The following KIAA1210 variants were observed in gnomAD, a reference collection of about 807,000 sequenced individuals.
The protein encoded by KIAA1210 is acrosomal protein KIAA1210.
KIAA1210 carries 48 observed loss-of-function variants against 78.9 expected under a neutral mutation model. The observed-to-expected ratio is 0.61, with a 90% CI of 0.48 to 0.77. KIAA1210 has a LOEUF of 0.77. Among genes scored for constraint, KIAA1210 ranks in the 30% least tolerant of loss-of-function variants. The probability of loss-of-function intolerance (pLI) is 0.00; values close to 1 mark genes in which losing one functional copy is unlikely to be tolerated. For missense variants in KIAA1210, 1,108 were observed against 1,100.0 expected (o/e 1.01, Z -0.10); for synonymous variants, 406 against 404.5 (o/e 1.00, Z -0.04).
chrX:119,088,190 C>T lies in KIAA1210; in HGVS notation c.2512G>A (p.Val838Met), dbSNP rs773606872. The T allele has an allele frequency of 1.7e-6, 2 of 1,211,183 alleles. No homozygotes were observed. Among genetic ancestry groups the T allele is most frequent in the East Asian group, 3.0e-5 (1 of 33,848 alleles). The change falls in exon 9 of 12, where the codon GTG (valine) becomes ATG (methionine). Residue 838 changes from valine (V) to methionine (M), a missense_variant. Val to Met is a conservative substitution (Grantham distance 21). Transcript: ENST00000691062. ...GAATATCTGGGGAGTAGTGGCTCCACAGAAATGACTCTCTCAACAGCAATG... is the reference window on the plus strand; with the variant it reads ...GAATATCTGGGGAGTAGTGGCTCCATAGAAATGACTCTCTCAACAGCAATG... The part of the protein sequence containing the change: ...EDIAVERVIS[V>M]EPLLPRYSPQ...
At chrX:119,096,011 C>G (rs953550359) in intron 7 of KIAA1210, among the ~76,000 whole-genome samples, 1 of 111,828 alleles carries the variant, frequency 8.9e-6, no homozygotes, top group African/African-American at 3.3e-5. Flanking sequence ...AGTCATGTGG[C>G]ATCTATTTGG....
At chrX:119,106,050 G>C (rs1927884968) in intron 5 of KIAA1210, among the ~76,000 whole-genome samples, 1 of 111,691 alleles carries the variant, frequency 9.0e-6, no homozygotes, top group South Asian at 3.8e-4. Flanking sequence ...ATAGCCTTCA[G>C]ACACTGTAGC....
At chrX:119,122,542 A>G (rs147406321) in intron 2 of KIAA1210, among the ~76,000 whole-genome samples, 17 of 112,536 alleles carry the variant, frequency 1.5e-4, no homozygotes, top group African/African-American at 5.2e-4. Context: ...ACCACTCTTC[A>G]TCAAGATATC....
chrX:119,150,845 C>A (rs1282448495), upstream of KIAA1210, among the ~76,000 whole-genome samples: 2 of 112,686 alleles, frequency 1.8e-5, no homozygotes, highest in Non-Finnish European at 3.8e-5. Flanking sequence ...ACCATTTGGG[C>A]GGTTAGGAGC....
chrX:119,132,804 T>A (rs1360158892), upstream of KIAA1210, among the ~76,000 whole-genome samples: 5 of 111,447 alleles, frequency 4.5e-5, no homozygotes, highest in East Asian at 2.8e-4. Context: ...GCTAATTTTT[T>A]AAAAAACTTT....
Position 119,089,221 on chromosome X carries a change from G to A in KIAA1210, c.1481C>T (p.Ser494Leu). 5.0e-6 allele frequency: 6 copies of A among 1,211,316 alleles called. No individual in the cohort carries two copies. Among genetic ancestry groups the A allele is most frequent in the Non-Finnish European group, 6.7e-6 (6 of 895,199 alleles). The change falls in exon 9 of 12, where the codon TCA becomes TTA. Residue 494 changes from serine to leucine, a missense_variant. By Grantham distance (145) the Ser-to-Leu change is moderately radical (BLOSUM62 -2). Transcript: ENST00000691062. Reference protein sequence around the residue: ...AEKTEARASLSLMVESLSTTQ... With the variant: ...AEKTEARASLLLMVESLSTTQ... Reference sequence around the variant, plus strand: ...TGTAGAAAGGCTTTCCACCATCAGTGAGAGAGAAGCTCTGGCTTCTGTCTT... The same window carrying A: ...TGTAGAAAGGCTTTCCACCATCAGTAAGAGAGAAGCTCTGGCTTCTGTCTT...
At chrX:119,147,328 G>T in intron 2 of KIAA1210, 1 of 608,263 alleles carries the variant, frequency 1.6e-6, no homozygotes, top group South Asian at 3.0e-5. Context: ...AATATTTGTG[G>T]CTTCTAATCT....
At chrX:119,092,779 A>ATAAG (rs1317782445) in intron 8 of KIAA1210, among the ~76,000 whole-genome samples, 1 of 106,992 alleles carries the variant, frequency 9.3e-6, no homozygotes, top group Non-Finnish European at 1.9e-5. Context: ...AAATAAATAA[A>ATAAG]TAAATAAATA....
chrX:119,105,387 G>C (rs1927863151), intron 5 of KIAA1210, among the ~76,000 whole-genome samples: 1 of 111,915 alleles, frequency 8.9e-6, no homozygotes, highest in African/African-American at 3.2e-5. Context: ...GCACACTTTT[G>C]CCAATCCCCA....
In KIAA1210 at chrX:119,147,614, A is replaced by C. The variant is rs377047576; in HGVS notation, c.290-21T>G. ...AGGTCCTGTTGAAATACACATTATC[A>C]GGAGTTAATCATTAATGTCTACTAA... On this transcript the variant is annotated intron_variant, in intron 1 of 13. Coordinates refer to the KIAA1210 transcript ENST00000402510. 36 of 1,203,639 alleles carry C rather than the reference A, an allele frequency of 3.0e-5. No homozygotes were observed. In the African/African-American group the frequency reaches 5.8e-4, roughly 19 times the overall value.
intron 1 of KIAA1210, among the ~76,000 whole-genome samples, chrX:119,149,191 C>T (rs933741665): frequency 3.6e-5 from 4 of 110,700 alleles, no homozygotes; most frequent in African/African-American, 1.3e-4. Context: ...TCCATGTGCT[C>T]GCTTCCAAGT....
intron 11 of KIAA1210, among the ~76,000 whole-genome samples, chrX:119,082,156 C>T (rs1240490524): frequency 2.7e-5 from 3 of 111,876 alleles, no homozygotes; most frequent in Admixed American, 9.5e-5. Context: ...AAGCCCATGC[C>T]GTTTCCTGAA....
chrX:119,091,138 A>G (rs1156387337), intron 8 of KIAA1210, among the ~76,000 whole-genome samples: 1 of 112,702 alleles, frequency 8.9e-6, no homozygotes, highest in Non-Finnish European at 1.9e-5. Context: ...GCTCAATGTC[A>G]CTAATCACGA....
rs185932128 is a variant in KIAA1210 at position 119,080,051 on chromosome X, C to A, written c.*1278G>T. The A allele has an allele frequency of 9.0e-6, 1 of 111,476 alleles. No homozygotes were observed. The highest frequency in any genetic ancestry group is 2.8e-4 in the East Asian group (1 of 3,534). 9.2% of individuals were successfully genotyped at this position (111,476 alleles called of 1,213,427 possible). On this transcript the variant is annotated 3_prime_UTR_variant, in exon 12 of 12. Transcript: ENST00000691062. ...ATCAAGGCAGTAAGCTTGCCATCTG[C>A]CTGATGGAAAGTACAGCTTTTGGCA...
intron 10 of KIAA1210, among the ~76,000 whole-genome samples, chrX:119,084,059 G>A (rs1927055386): frequency 1.1e-5 from 1 of 94,744 alleles, no homozygotes; most frequent in Admixed American, 1.2e-4. Flanking sequence ...ACCCCTCTAT[G>A]TTCCTGTCCC....
chrX:119,081,286 AAAAC>A lies in KIAA1210; in HGVS notation c.*39_*42del. 2 of 998,624 alleles carry A rather than the reference AAAAC, an allele frequency of 2.0e-6. No individual in the cohort carries two copies. Among genetic ancestry groups the A allele is most frequent in the Non-Finnish European group, 2.7e-6 (2 of 751,115 alleles). 82.3% of individuals were successfully genotyped at this position (998,624 alleles called of 1,213,427 possible). A position where few individuals can be genotyped will look rare whatever the true frequency, so the allele number is the denominator to read the frequency against. ...TGTCTCAAAAAAAAAAAAAAAAAAA[AAAAC>A]TAAATAAAATAAATGCTGATGCTCC... On this transcript the variant is annotated 3_prime_UTR_variant, in exon 12 of 12. Coordinates refer to ENST00000691062, the MANE Select transcript of KIAA1210 (RefSeq NM_001394962.1).
At chrX:119,121,131 C>G (rs1928444773) in intron 2 of KIAA1210, among the ~76,000 whole-genome samples, 1 of 111,316 alleles carries the variant, frequency 9.0e-6, no homozygotes, top group Non-Finnish European at 1.9e-5. Context: ...TTTTGAAACC[C>G]TAATGGAATC....
chrX:119,117,632 G>A lies in KIAA1210; in HGVS notation c.62-968C>T, dbSNP rs748101029. Among the ~76,000 whole-genome samples, 4 of 103,181 alleles carry A rather than the reference G, an allele frequency of 3.9e-5. No individual in the cohort carries two copies. In the South Asian group the frequency reaches 1.9e-3, roughly 49 times the overall value. 89.6% of individuals were successfully genotyped at this position (103,181 alleles called of 115,157 possible). A position where few individuals can be genotyped will look rare whatever the true frequency, so the allele number is the denominator to read the frequency against. ...CACCCAGGCTGGAGTGTGATGGCATGATCACGGCCCACTGCAACTTCCACC... is the reference window on the plus strand; with the variant it reads ...CACCCAGGCTGGAGTGTGATGGCATAATCACGGCCCACTGCAACTTCCACC... On this transcript the variant is annotated intron_variant, in intron 2 of 11. Coordinates refer to ENST00000691062, the MANE Select transcript of KIAA1210 (RefSeq NM_001394962.1).
chrX:119,119,066 G>T (rs894641470), intron 2 of KIAA1210, among the ~76,000 whole-genome samples: 1 of 112,198 alleles, frequency 8.9e-6, no homozygotes, highest in East Asian at 2.8e-4. Flanking sequence ...TTCAGCATAC[G>T]ATAATTTAAA....
Sources: gnomAD v4.1 joint callset for allele counts (sites outside exome capture counted in the v4.1 genomes callset) on GRCh38, gnomAD v4.1.1 for gene constraint, MANE v1.5 for transcripts, NCBI Gene and HGNC (gene_info 2026-07-23, HGNC 2026-07-21) for gene names.